NPSR1: variants seen among roughly 807,000 people sequenced by gnomAD.
The protein encoded by NPSR1 is neuropeptide S receptor 1, also known as neuropeptide S receptor.
A neutral mutation model predicts 46.9 loss-of-function variants in NPSR1; 48 were observed. The ratio of observed to expected loss-of-function variants is 1.02; its 90% CI spans 0.81 to 1.30. NPSR1 has a LOEUF of 1.30. Ranked by LOEUF, NPSR1 falls within the 50% of genes most tolerant of loss-of-function variation. NPSR1 has a pLI of 0.00. For missense variants in NPSR1, 450 were observed against 449.5 expected, an observed-to-expected ratio of 1.00 and a Z score of -0.01; for synonymous variants, 176 against 168.1, an observed-to-expected ratio of 1.05 and a Z score of -0.36.
intron 1 of NPSR1, among the ~76,000 whole-genome samples, chr7:34,663,067 C>CTCTCTCTGTGTG (rs35826710): frequency 1.0e-5 from 1 of 99,426 alleles, no homozygotes; most frequent in African/African-American, 5.7e-5. Context: ...CTCTCTCTCT[C>CTCTCTCTGTGTG]TGTGTGTGTG....
intron 8 of NPSR1, among the ~76,000 whole-genome samples, chr7:34,875,550 G>C (rs1791554166): frequency 6.6e-6 from 1 of 152,150 alleles, no homozygotes; most frequent in Non-Finnish European, 1.5e-5. Context: ...CCCCAGATTG[G>C]CCTAGAGATC....
intron 3 of NPSR1, among the ~76,000 whole-genome samples, chr7:34,794,390 G>A (rs1018385466): frequency 1.9e-4 from 29 of 151,988 alleles, no homozygotes; most frequent in African/African-American, 6.3e-4. Context: ...TTTTAGAAAC[G>A]TTAAGAAAGG....
chr7:34,801,560 G>C (rs1240383580), intron 3 of NPSR1, among the ~76,000 whole-genome samples: 1 of 139,660 alleles, frequency 7.2e-6, no homozygotes, highest in Admixed American at 7.1e-5. Context: ...GTATTGATGG[G>C]ACATATCTCA....
chr7:34,707,701 G>A lies in NPSR1; in HGVS notation c.280+23017G>A, dbSNP rs114849688. 6.1e-3 allele frequency among the ~76,000 whole-genome samples: 936 copies of A among 152,286 alleles called. 6 individuals carry two copies. Among genetic ancestry groups the A allele is most frequent in the African/African-American group, 0.019 (775 of 41,572 alleles). On this transcript the variant is annotated intron_variant, in intron 2 of 8. Coordinates refer to ENST00000360581, the MANE Select transcript of NPSR1 (RefSeq NM_207172.2). ...AAGCTCAGTGATAGAGTAAGCTTTA[G>A]ACTTTATTTGCCTCAGCAATGCAGC... is the stretch of plus-strand genomic sequence containing the variant.
rs112462605 is a variant in NPSR1 at position 34,751,772 on chromosome 7, T to C, written c.281-26690T>C. 1.6e-5 allele frequency: 26 copies of C among 1,588,564 alleles called. No individual in the cohort carries two copies. The Admixed American group carries it at 4.3e-4, about 26-fold the overall frequency. ...TCTTCTAGCTTCTCCAGGGCCTGTTTTGCACAGCCCTGCCATATCTGGGCA... is the reference window on the plus strand; with the variant it reads ...TCTTCTAGCTTCTCCAGGGCCTGTTCTGCACAGCCCTGCCATATCTGGGCA... On this transcript the variant is annotated intron_variant, in intron 2 of 8. Coordinates refer to ENST00000360581, the MANE Select transcript of NPSR1 (RefSeq NM_207172.2).
At chr7:34,862,499 A>G (rs1791212954) in intron 8 of NPSR1, among the ~76,000 whole-genome samples, 1 of 151,704 alleles carries the variant, frequency 6.6e-6, no homozygotes, top group Non-Finnish European at 1.5e-5. Context: ...TCCCATAGCC[A>G]TGGGATCAGT....
At chr7:34,749,253 A>T (rs55943139) in intron 2 of NPSR1, among the ~76,000 whole-genome samples, 11,786 of 152,204 alleles carry the variant, frequency 0.077, 1,328 homozygotes, top group African/African-American at 0.25. Flanking sequence ...GTGTGGAAAA[A>T]GGCATGAAAC....
chr7:34,797,688 C>CA (rs1169795299), intron 3 of NPSR1, among the ~76,000 whole-genome samples: 1 of 151,906 alleles, frequency 6.6e-6, no homozygotes, highest in East Asian at 1.9e-4. Context: ...CAGAGAACAC[C>CA]AAAGCAAAAT....
chr7:34,820,543 G>C (rs1789501511), intron 4 of NPSR1, among the ~76,000 whole-genome samples: 2 of 152,158 alleles, frequency 1.3e-5, no homozygotes, highest in South Asian at 4.1e-4. Context: ...AATATTTGTA[G>C]AGATTTATTC....
chr7:34,663,063 C>CTGTGTGTGTG (rs1791540212), intron 1 of NPSR1, among the ~76,000 whole-genome samples: 1 of 91,924 alleles, frequency 1.1e-5, no homozygotes, highest in African/African-American at 7.5e-5. Context: ...CTCTCTCTCT[C>CTGTGTGTGTG]TCTCTGTGTG....
intron 2 of NPSR1, among the ~76,000 whole-genome samples, chr7:34,698,667 C>A (rs543552287): frequency 2.6e-4 from 39 of 152,270 alleles, no homozygotes; most frequent in African/African-American, 9.1e-4. Flanking sequence ...TATGAACCCA[C>A]CTTCAATTTG....
At chr7:34,738,194 T>C (rs574207869) in intron 2 of NPSR1, among the ~76,000 whole-genome samples, 23 of 152,350 alleles carry the variant, frequency 1.5e-4, no homozygotes, top group African/African-American at 5.1e-4. Flanking sequence ...TTGTGTACTA[T>C]AGTATCTTCA....
chr7:34,851,185 CTT>C (rs11337711), downstream of NPSR1, among the ~76,000 whole-genome samples: 347 of 139,470 alleles, frequency 2.5e-3, no homozygotes, highest in African/African-American at 2.9e-3. Context: ...GAGCTTAAAT[CTT>C]TTTTTTTTTT....
At chr7:34,813,640 CAGAG>C (rs1469396240) in intron 4 of NPSR1, among the ~76,000 whole-genome samples, 6 of 152,108 alleles carry the variant, frequency 3.9e-5, no homozygotes, top group African/African-American at 1.4e-4. Flanking sequence ...TACAGAAAGA[CAGAG>C]AGGAGCAGAA....
intron 2 of NPSR1, among the ~76,000 whole-genome samples, chr7:34,709,403 G>A (rs756759806): frequency 6.6e-6 from 1 of 152,012 alleles, no homozygotes; most frequent in Non-Finnish European, 1.5e-5. Context: ...GGTTTCTTTG[G>A]CTTACTGTTC....
chr7:34,696,498 A>G (rs1793535834), intron 2 of NPSR1, among the ~76,000 whole-genome samples: 1 of 152,096 alleles, frequency 6.6e-6, no homozygotes, highest in South Asian at 2.1e-4. Flanking sequence ...ATTTTAAAAT[A>G]ATGAAGATTG....
At chr7:34,834,316 G>T in intron 5 of NPSR1, 68 bp from the exon 6 acceptor site, 2 of 1,184,174 alleles carry the variant, frequency 1.7e-6, no homozygotes, top group Non-Finnish European at 2.5e-6. Context: ...GGTGGGAGTG[G>T]TCTTCTCTGT....
intron 6 of NPSR1, among the ~76,000 whole-genome samples, chr7:34,842,299 A>G (rs533977369): frequency 6.6e-6 from 1 of 152,332 alleles, no homozygotes; most frequent in African/African-American, 2.4e-5. Context: ...GTCTGATCTT[A>G]AAGCCTGTGT....
Position 34,827,572 on chromosome 7 carries a change from TG to T in NPSR1, c.652del (p.Val218CysfsTer6), listed in dbSNP as rs1188154906. ...WTPYMTIVAFLVYFIPLTIIS... is the reference protein window; with the variant it reads ...WTPYMTIVAFXVYFIPLTIIS... ...CCATACATGACCATCGTGGCCTTCC[TG>T]GTGTACTTCATCCCTCTGACAATCA... On this transcript the variant is annotated frameshift_variant, in exon 5 of 9. Transcript: ENST00000360581. LOFTEE classifies it high-confidence loss of function. 1 of 1,524,328 alleles carries T rather than the reference TG, an allele frequency of 6.6e-7. No homozygotes were observed. Among genetic ancestry groups the T allele is most frequent in the Non-Finnish European group, 8.9e-7 (1 of 1,127,172 alleles). The allele number at this position is 1,524,328 out of a possible 1,614,324, so 94.4% of individuals were successfully genotyped here. A position where few individuals can be genotyped will look rare whatever the true frequency, so the allele number is the denominator to read the frequency against.
Sources: allele counts gnomAD v4.1 joint callset (sites outside exome capture counted in the v4.1 genomes callset), GRCh38; gene constraint gnomAD v4.1.1; transcripts MANE v1.5; gene names NCBI Gene and HGNC (gene_info 2026-07-23, HGNC 2026-07-21).